Variants in KCNIP1 observed in about 807,000 individuals in gnomAD.
KCNIP1 encodes A-type potassium channel modulatory protein KCNIP1.
Under a neutral mutation model 33.0 loss-of-function variants are expected in KCNIP1, and 18 were observed. The observed-to-expected ratio is 0.55, with a 90% confidence interval of 0.38 to 0.81. The LOEUF is 0.81. KCNIP1 is among the 30% of genes least tolerant of loss of function. The pLI is 0.00. For missense variants in KCNIP1, 238 were observed against 271.6 expected (o/e 0.88, Z 0.87); for synonymous variants, 93 against 98.3 (o/e 0.95, Z 0.32).
intron 1 of KCNIP1, among the ~76,000 whole-genome samples, chr5:170,612,844 T>A (rs1759222254): frequency 6.6e-6 from 1 of 151,982 alleles, no homozygotes. Context: ...GCTAGAAACC[T>A]CTAGTGGACT....
intron 1 of KCNIP1, among the ~76,000 whole-genome samples, chr5:170,546,108 C>T (rs1199954396): frequency 6.6e-6 from 1 of 152,198 alleles, no homozygotes; most frequent in Admixed American, 6.5e-5. Context: ...TTCCCATTTC[C>T]TTGTGTGGTC....
At chr5:170,555,821 G>A (rs972349058) in intron 1 of KCNIP1, among the ~76,000 whole-genome samples, 17 of 152,206 alleles carry the variant, frequency 1.1e-4, no homozygotes, top group South Asian at 2.1e-4. Context: ...GAATGGTGAC[G>A]TATCTGGTTA....
chr5:170,597,472 C>A (rs796985056), intron 1 of KCNIP1, among the ~76,000 whole-genome samples: 7 of 152,198 alleles, frequency 4.6e-5, no homozygotes, highest in Admixed American at 2.0e-4. Context: ...GCCAACCCAC[C>A]CACCCCCGCA....
At chr5:170,400,466 C>T (rs922349558) in intron 1 of KCNIP1, among the ~76,000 whole-genome samples, 2 of 152,094 alleles carry the variant, frequency 1.3e-5, no homozygotes, top group African/African-American at 2.4e-5. Flanking sequence ...TCCAATCACC[C>T]CCCACCAGGT....
chr5:170,471,536 G>A (rs1251148831), intron 1 of KCNIP1, among the ~76,000 whole-genome samples: 1 of 152,156 alleles, frequency 6.6e-6, no homozygotes, highest in Non-Finnish European at 1.5e-5. Context: ...AAGGAGAGCT[G>A]CCACAGTTAC....
chr5:170,571,938 T>C (rs1263125249), intron 1 of KCNIP1, among the ~76,000 whole-genome samples: 2 of 152,192 alleles, frequency 1.3e-5, no homozygotes, highest in Admixed American at 6.5e-5. Flanking sequence ...ATCTTTCATT[T>C]CCTCACATTT....
rs1756255311 is a variant in KCNIP1, at chr5:170,451,723, T to TGTGTGTGTGTGTGTGTG, written c.88+97759_88+97760insGTGTGTGTGTGTGTGTG. ...GACAGTTGCTTCAGCTTCTCCTGCATTGTGTGTGTGTGTGTGTGTGTGTGT... is the reference window on the plus strand; with the variant it reads ...GACAGTTGCTTCAGCTTCTCCTGCATGTGTGTGTGTGTGTGTGTGTGTGTGTGTGTGTGTGTGTGTGT... On this transcript the variant is annotated intron_variant, in intron 1 of 7. Transcript: ENST00000377360. Among the ~76,000 whole-genome samples, 273 of 122,970 alleles carry TGTGTGTGTGTGTGTGTG rather than the reference T, an allele frequency of 2.2e-3. 2 individuals carry two copies. Among genetic ancestry groups the TGTGTGTGTGTGTGTGTG allele is most frequent in the South Asian group, 5.4e-3 (18 of 3,364 alleles). The allele number at this position is 122,970 out of a possible 152,430, so 80.7% of individuals were successfully genotyped here.
intron 1 of KCNIP1, among the ~76,000 whole-genome samples, chr5:170,624,728 G>GTT (rs1561724962): frequency 4.8e-5 from 3 of 62,670 alleles, no homozygotes; most frequent in African/African-American, 2.0e-4. Context: ...GGAGACCGGG[G>GTT]AGGTGGGGGG....
intron 1 of KCNIP1, among the ~76,000 whole-genome samples, chr5:170,577,057 A>G (rs776624372): frequency 1.1e-4 from 17 of 152,170 alleles, no homozygotes; most frequent in Non-Finnish European, 2.2e-4. Flanking sequence ...AAGGGTCACC[A>G]TATGTCTTTC....
chr5:170,399,115 C>T (rs551370876), intron 1 of KCNIP1, among the ~76,000 whole-genome samples: 6 of 151,882 alleles, frequency 4.0e-5, no homozygotes, highest in African/African-American at 1.4e-4. Flanking sequence ...TGTAGATGTG[C>T]TTACCAAAGG....
intron 1 of KCNIP1, among the ~76,000 whole-genome samples, chr5:170,555,125 G>T (rs990971115): frequency 1.3e-5 from 2 of 152,146 alleles, no homozygotes; most frequent in African/African-American, 4.8e-5. Flanking sequence ...GCTCCTGGTT[G>T]CTCCACCACT....
intron 1 of KCNIP1, among the ~76,000 whole-genome samples, chr5:170,630,048 C>T (rs1384805521): frequency 2.0e-5 from 3 of 152,148 alleles, no homozygotes; most frequent in Non-Finnish European, 4.4e-5. Context: ...GGGGTGGGGG[C>T]CGGGGTAGCT....
chr5:170,391,632 T>C (rs1191053787), intron 1 of KCNIP1, among the ~76,000 whole-genome samples: 1 of 152,212 alleles, frequency 6.6e-6, no homozygotes, highest in Non-Finnish European at 1.5e-5. Flanking sequence ...TTCCAACAGC[T>C]TCTTAAGGTA....
intron 1 of KCNIP1, among the ~76,000 whole-genome samples, chr5:170,696,907 C>T (rs1762916036): frequency 6.6e-6 from 1 of 152,142 alleles, no homozygotes; most frequent in South Asian, 2.1e-4. Context: ...AGCATAAGGA[C>T]AGTCAGATGT....
At chr5:170,353,985 C>G (rs375071925) in intron 1 of KCNIP1, 2 of 1,607,762 alleles carry the variant, frequency 1.2e-6, no homozygotes, top group Non-Finnish European at 1.7e-6. Context: ...TGGCCTTGAC[C>G]CTTGCTTTCT....
intron 5 of KCNIP1, among the ~76,000 whole-genome samples, chr5:170,725,802 CA>C (rs563267457): frequency 3.3e-5 from 5 of 151,590 alleles, no homozygotes; most frequent in Admixed American, 6.6e-5. Context: ...TATGTGCCCA[CA>C]AAAATTAAAA....
chr5:170,656,201 G>A (rs1761258550), intron 1 of KCNIP1, among the ~76,000 whole-genome samples: 1 of 152,162 alleles, frequency 6.6e-6, no homozygotes, highest in South Asian at 2.1e-4. Flanking sequence ...TGCCTATATG[G>A]GCCCAGCCCT....
chr5:170,685,165 T>A (rs1338296860), intron 1 of KCNIP1, among the ~76,000 whole-genome samples: 1 of 152,080 alleles, frequency 6.6e-6, no homozygotes, highest in Admixed American at 6.5e-5. Context: ...TCTGTTTGTA[T>A]GATCAGCAAA....
chr5:170,523,178 C>T (rs866021141), intron 1 of KCNIP1, among the ~76,000 whole-genome samples: 1 of 152,172 alleles, frequency 6.6e-6, no homozygotes, highest in Non-Finnish European at 1.5e-5. Context: ...CCCCCTGCCC[C>T]ACCCTGCCAC....
Sources: gnomAD v4.1 joint callset for allele counts (sites outside exome capture counted in the v4.1 genomes callset) on GRCh38, gnomAD v4.1.1 for gene constraint, MANE v1.5 for transcripts, NCBI Gene and HGNC (gene_info 2026-07-23, HGNC 2026-07-21) for gene names.